The following PLEKHA7 variants were observed in gnomAD, a reference collection of about 807,000 sequenced individuals.
PLEKHA7 encodes pleckstrin homology domain containing A7.
Under a neutral mutation model 170.0 loss-of-function variants are expected in PLEKHA7, and 104 were observed. The ratio of observed to expected loss-of-function variants is 0.61; its 90% CI spans 0.52 to 0.72. The LOEUF (loss-of-function observed/expected upper bound fraction) is 0.72, where lower values mean the gene tolerates loss of function less well. PLEKHA7 is among the 30% of genes least tolerant of loss of function. The pLI is 0.00. For missense variants in PLEKHA7, 1,615 were observed against 1,671.7 expected (o/e 0.97, Z 0.59); for synonymous variants, 648 against 660.8 (o/e 0.98, Z 0.30).
At chr11:16,808,621 C>T (rs575697105) in intron 13 of PLEKHA7, among the ~76,000 whole-genome samples, 9 of 152,188 alleles carry the variant, frequency 5.9e-5, no homozygotes, top group Non-Finnish European at 1.0e-4. Context: ...CGGCACATCC[C>T]TCACTGAAGA....
Position 16,791,802 on chromosome 11 carries a change from C to A in PLEKHA7, c.2746-603G>T. ...GTCAGGATGAGTGACTCACTGCCTA[C>A]CATGCAGTTCATTCCCTAGAATGTG... is the stretch of plus-strand genomic sequence containing the variant. On this transcript the variant is annotated intron_variant, in intron 19 of 26. Transcript: ENST00000531066. This position sits in a 1 kb window ranked among gnomAD's most constrained non-coding sequence, Gnocchi z 4.5. 1 of 402,938 alleles carries A rather than the reference C, an allele frequency of 2.5e-6. No individual in the cohort carries two copies. The highest frequency in any genetic ancestry group is 1.8e-5 in the South Asian group (1 of 54,568). 25.0% of individuals were successfully genotyped at this position (402,938 alleles called of 1,614,324 possible).
At chr11:17,006,476 A>C (rs1316238406) in intron 3 of PLEKHA7, among the ~76,000 whole-genome samples, 3 of 151,822 alleles carry the variant, frequency 2.0e-5, no homozygotes, top group Non-Finnish European at 1.5e-5. Flanking sequence ...AAAATACAAA[A>C]AAATAGCCAG....
rs374847763 is a variant in PLEKHA7 at position 16,851,200 on chromosome 11, A to G, written c.687T>C (p.Tyr229=). 9.5e-5 allele frequency: 152 copies of G among 1,607,046 alleles called. No homozygotes were observed. Among genetic ancestry groups the G allele is most frequent in the Non-Finnish European group, 1.2e-4 (147 of 1,176,492 alleles). ...VAPEDRISRK[Y]SFKAVHTGMR... Reference sequence around the variant, plus strand: ...GGTGCAGGGGCAGTACCTTAAAGGAATATTTGCGGCTTATGCGATCCTCAG... The same window carrying G: ...GGTGCAGGGGCAGTACCTTAAAGGAGTATTTGCGGCTTATGCGATCCTCAG... Residue 229 remains tyrosine (Y), a synonymous_variant, in exon 8 of 27, where the codon TAT becomes TAC. Transcript: ENST00000531066.
intron 9 of PLEKHA7, among the ~76,000 whole-genome samples, chr11:16,838,693 C>CTTT (rs869209891): frequency 0.023 from 2,489 of 107,798 alleles, 94 homozygotes; most frequent in East Asian, 0.033. Flanking sequence ...ACACAGTTTT[C>CTTT]TTTTTTTTTT....
intron 3 of PLEKHA7, among the ~76,000 whole-genome samples, chr11:16,929,082 T>A (rs934499357): frequency 1.3e-5 from 2 of 152,146 alleles, no homozygotes; most frequent in South Asian, 2.1e-4. Flanking sequence ...TAAAAACAAC[T>A]GCATTTAAAA....
chr11:16,927,839 T>C (rs368823416), intron 3 of PLEKHA7, among the ~76,000 whole-genome samples: 86 of 152,342 alleles, frequency 5.6e-4, no homozygotes, highest in African/African-American at 1.9e-3. Context: ...TAATTGGAAA[T>C]GATCTAATTG....
intron 3 of PLEKHA7, among the ~76,000 whole-genome samples, chr11:16,878,379 C>T (rs1350616033): frequency 6.6e-6 from 1 of 152,184 alleles, no homozygotes; most frequent in Non-Finnish European, 1.5e-5. Flanking sequence ...TTAAACTCTA[C>T]GATAGCTCTA....
In PLEKHA7 at chr11:17,002,440, A is replaced by G. The variant is rs538640110; in HGVS notation, c.221+11549T>C. On this transcript the variant is annotated intron_variant, in intron 3 of 26. Coordinates refer to ENST00000531066, the MANE Select transcript of PLEKHA7 (RefSeq NM_001329630.2). ...AAAAAAAGGAACAGAAAGAGTGATGATGAGAGCCACAAGGCACCATGTACC... is the reference window on the plus strand; with the variant it reads ...AAAAAAAGGAACAGAAAGAGTGATGGTGAGAGCCACAAGGCACCATGTACC... Among the ~76,000 whole-genome samples, 195 of 152,010 alleles carry G rather than the reference A, an allele frequency of 1.3e-3. 1 individual carries two copies. Among genetic ancestry groups the G allele is most frequent in the African/African-American group, 4.7e-3 (193 of 41,468 alleles).
rs1290517633 is a variant in PLEKHA7 at position 17,014,006 on chromosome 11, GC to G, written c.203del (p.Gly68AlafsTer19). The G allele has an allele frequency of 4.5e-6, 7 of 1,546,240 alleles. No individual in the cohort carries two copies. The Admixed American group carries it at 1.4e-4, about 30-fold the overall frequency. ...RGWEEGFTEE[G>X]ASYFIDHNQQ... ...TCACTCACTCGATGAAGTAGCTGGC[GC>G]CCTCCTCCGTGAAGCCCTCCTCCCA... On this transcript the variant is annotated frameshift_variant, in exon 3 of 27. Transcript: ENST00000531066. LOFTEE classifies it high-confidence loss of function.
At chr11:16,978,133 G>T (rs1332802925) in intron 3 of PLEKHA7, among the ~76,000 whole-genome samples, 1 of 152,174 alleles carries the variant, frequency 6.6e-6, no homozygotes, top group African/African-American at 2.4e-5. Context: ...GAGGTCTCTG[G>T]AAAGAGGTCT....
At position 17,014,144 on chromosome 11, in the gene PLEKHA7, C is replaced by A; in HGVS notation, c.144G>T (p.Ser48=). ...GCCCACCTGAGCGGATCATGTGGCCCGAGTTGACGGGCTCCCCGGTGCGCG... is the reference window on the plus strand; with the variant it reads ...GCCCACCTGAGCGGATCATGTGGCCAGAGTTGACGGGCTCCCCGGTGCGCG... The part of the protein sequence containing the change: ...LHPRTGEPVN[S]GHMIRSDLPR... The change falls in exon 2 of 27, where the codon TCG becomes TCT. Residue 48 remains serine (S), a synonymous_variant. Transcript: ENST00000531066. The A allele has an allele frequency of 6.2e-7, 1 of 1,601,782 alleles. No individual in the cohort carries two copies. The highest frequency in any genetic ancestry group is 8.5e-7 in the Non-Finnish European group (1 of 1,175,594).
At chr11:16,918,152 C>T (rs1035060328) in intron 3 of PLEKHA7, among the ~76,000 whole-genome samples, 1 of 152,206 alleles carries the variant, frequency 6.6e-6, no homozygotes, top group African/African-American at 2.4e-5. Flanking sequence ...CTGGGGCTCA[C>T]AATTCACATG....
intron 6 of PLEKHA7, among the ~76,000 whole-genome samples, chr11:16,853,587 C>T (rs1049172037): frequency 6.6e-6 from 1 of 152,190 alleles, no homozygotes; most frequent in Non-Finnish European, 1.5e-5. Context: ...TGGGCCTGGC[C>T]TAGGTGCTGG....
At chr11:16,852,966 C>T (rs554709749) in intron 6 of PLEKHA7, among the ~76,000 whole-genome samples, 5 of 152,252 alleles carry the variant, frequency 3.3e-5, no homozygotes, top group East Asian at 3.9e-4. Flanking sequence ...TTTTAAATTA[C>T]TGTGAATATT....
At chr11:16,917,528 A>G (rs1199816447) in intron 3 of PLEKHA7, among the ~76,000 whole-genome samples, 1 of 152,188 alleles carries the variant, frequency 6.6e-6, no homozygotes, top group Non-Finnish European at 1.5e-5. Context: ...TCCAGCTTCT[A>G]GAGGCTGCCC....
chr11:16,941,739 A>T (rs950708183), intron 3 of PLEKHA7, among the ~76,000 whole-genome samples: 3 of 152,212 alleles, frequency 2.0e-5, no homozygotes, highest in Non-Finnish European at 4.4e-5. Context: ...TACCATGAAG[A>T]AGTGGGTGAG....
intron 4 of PLEKHA7, among the ~76,000 whole-genome samples, chr11:16,868,222 G>A (rs1006337197): frequency 1.3e-5 from 2 of 152,132 alleles, no homozygotes; most frequent in Admixed American, 1.3e-4. Flanking sequence ...TCACATTTGT[G>A]ATCTCTTATT....
At chr11:16,864,121 T>C (rs1313120643) in intron 4 of PLEKHA7, among the ~76,000 whole-genome samples, 1 of 152,164 alleles carries the variant, frequency 6.6e-6, no homozygotes, top group African/African-American at 2.4e-5. Flanking sequence ...AGAAGCAGTA[T>C]AGCATAGTGT....
At chr11:16,974,231 C>T (rs868673526) in intron 3 of PLEKHA7, among the ~76,000 whole-genome samples, 13 of 148,744 alleles carry the variant, frequency 8.7e-5, no homozygotes, top group Non-Finnish European at 1.6e-4. Flanking sequence ...TGTGCCACCA[C>T]ACTCCAGCCT....
Sources: allele counts gnomAD v4.1 joint callset (sites outside exome capture counted in the v4.1 genomes callset), GRCh38; gene constraint gnomAD v4.1.1; non-coding constraint Gnocchi (gnomAD v3.1); transcripts MANE v1.5; gene names NCBI Gene and HGNC (gene_info 2026-07-23, HGNC 2026-07-21).